The following KCNN3 variants were observed in gnomAD, a reference collection of about 807,000 sequenced individuals.
KCNN3 encodes small conductance calcium-activated potassium channel protein 3.
Under a neutral mutation model 62.9 loss-of-function variants are expected in KCNN3, and 16 were observed. That is an observed-to-expected ratio of 0.25 (90% CI 0.17 to 0.39). The LOEUF (loss-of-function observed/expected upper bound fraction) is 0.39, where lower values mean the gene tolerates loss of function less well. KCNN3 is among the 10% of genes least tolerant of loss of function. The pLI is 1.00. For missense variants in KCNN3, 599 were observed against 949.4 expected (o/e 0.63, Z 4.85); for synonymous variants, 370 against 389.2 (o/e 0.95, Z 0.58).
intron 3 of KCNN3, among the ~76,000 whole-genome samples, chr1:154,750,753 G>T (rs1647332651): frequency 6.6e-6 from 1 of 152,134 alleles, no homozygotes; most frequent in Non-Finnish European, 1.5e-5. Flanking sequence ...TGCCCAGGAG[G>T]CTTGCCCTAA....
In KCNN3 at chr1:154,713,517, T is replaced by G. The variant is rs1389378310; in HGVS notation, c.1846A>C (p.Met616Leu). 1 of 1,613,870 alleles carries G rather than the reference T, an allele frequency of 6.2e-7. No individual in the cohort carries two copies. The change falls in exon 7 of 8, where the codon ATG becomes CTG. Residue 616 changes from methionine (M) to leucine (L), a missense_variant. Met to Leu is a conservative substitution (Grantham distance 15). Transcript: ENST00000271915. The part of the protein sequence containing the change: ...QAIHQLRSVK[M>L]EQRKLSDQAN... The stretch of plus-strand genomic sequence containing the variant: ...TGGTCACTCAGCTTCCTCTGTTCCA[T>G]CTTGACGCTCCTCAACCTGTGGGGA...
intron 2 of KCNN3, among the ~76,000 whole-genome samples, chr1:154,790,247 A>G (rs1649455599): frequency 6.6e-6 from 1 of 152,228 alleles, no homozygotes; most frequent in Non-Finnish European, 1.5e-5. Flanking sequence ...ACTTGCTTTT[A>G]AAAGCAGAGT....
intron 5 of KCNN3, among the ~76,000 whole-genome samples, chr1:154,722,643 C>T (rs1259649260): frequency 9.9e-5 from 15 of 152,100 alleles, no homozygotes; most frequent in African/African-American, 2.9e-4. Flanking sequence ...CCATCTGCCT[C>T]GGCCTCCCAG....
At chr1:154,830,732 G>C (rs1651348236) in intron 1 of KCNN3, among the ~76,000 whole-genome samples, 1 of 152,190 alleles carries the variant, frequency 6.6e-6, no homozygotes, top group Admixed American at 6.5e-5. Context: ...ATTCAGGTCT[G>C]AGCAGAGGGT....
intron 2 of KCNN3, among the ~76,000 whole-genome samples, chr1:154,815,301 G>C (rs375003445): frequency 6.6e-6 from 1 of 152,222 alleles, no homozygotes; most frequent in South Asian, 2.1e-4. Flanking sequence ...ACCTCCCTTC[G>C]GAGGACAGGC....
At chr1:154,732,455 T>A (rs1219241371) in intron 4 of KCNN3, among the ~76,000 whole-genome samples, 1 of 152,030 alleles carries the variant, frequency 6.6e-6, no homozygotes, top group East Asian at 1.9e-4. Flanking sequence ...TAGGCAGAGG[T>A]GGAAGCAGAA....
intron 3 of KCNN3, among the ~76,000 whole-genome samples, chr1:154,761,736 C>T (rs1648023768): frequency 6.6e-6 from 1 of 152,108 alleles, no homozygotes; most frequent in African/African-American, 2.4e-5. Flanking sequence ...GCCAGGAGTT[C>T]AAGACCAGCC....
At chr1:154,860,916 G>A (rs1652742481) in intron 1 of KCNN3, among the ~76,000 whole-genome samples, 1 of 150,036 alleles carries the variant, frequency 6.7e-6, no homozygotes, top group South Asian at 2.1e-4. Context: ...GGTTCAGTAA[G>A]TTCCCAGAGC....
intron 3 of KCNN3, among the ~76,000 whole-genome samples, chr1:154,755,206 C>T (rs950182360): frequency 1.3e-5 from 2 of 151,992 alleles, no homozygotes; most frequent in African/African-American, 2.4e-5. Flanking sequence ...CATGGTGGCT[C>T]ACACCTATAA....
At chr1:154,715,433 C>CAA (rs68051927) in intron 5 of KCNN3, among the ~76,000 whole-genome samples, 1,963 of 103,248 alleles carry the variant, frequency 0.019, 35 homozygotes, top group Non-Finnish European at 0.023. Flanking sequence ...AACTCCATCT[C>CAA]AAAAAAAAAA....
In KCNN3 at chr1:154,699,652, T is replaced by C. The variant is rs926729956; in HGVS notation, c.*8324A>G. 5 of 152,226 alleles carry C rather than the reference T, an allele frequency of 3.3e-5. No homozygotes were observed. Among genetic ancestry groups the C allele is most frequent in the African/African-American group, 1.2e-4 (5 of 41,456 alleles). The allele number at this position is 152,226 out of a possible 1,614,324, so 9.4% of individuals were successfully genotyped here. ...TTGTTGGTGCAATGAGTAAGAGAAT[T>C]GGCTTTCAAGGAGATTAGCAATGTT... On this transcript the variant is annotated 3_prime_UTR_variant, in exon 8 of 8. Transcript: ENST00000271915.
intron 3 of KCNN3, among the ~76,000 whole-genome samples, chr1:154,746,221 A>G (rs2101807736): frequency 6.6e-6 from 1 of 152,322 alleles, no homozygotes; most frequent in South Asian, 2.1e-4. Context: ...ACCAAGCAAC[A>G]CCAAGGCAAA....
intron 7 of KCNN3, among the ~76,000 whole-genome samples, chr1:154,710,733 C>G (rs1700056670): frequency 6.6e-6 from 1 of 152,138 alleles, no homozygotes. Context: ...CCAAAAAACA[C>G]ATGAAAAAAT....
chr1:154,804,945 A>G (rs1022210311), intron 2 of KCNN3, among the ~76,000 whole-genome samples: 1 of 152,214 alleles, frequency 6.6e-6, no homozygotes, highest in African/African-American at 2.4e-5. Context: ...CACCGAAAAC[A>G]TAGTGAATTA....
At chr1:154,822,538 A>G (rs113030754) in intron 1 of KCNN3, among the ~76,000 whole-genome samples, 5 of 152,374 alleles carry the variant, frequency 3.3e-5, no homozygotes, top group African/African-American at 1.2e-4. Flanking sequence ...CTCATAACTC[A>G]TATGAACGTC....
chr1:154,715,471 A>G (rs1033667728), intron 5 of KCNN3, among the ~76,000 whole-genome samples: 4 of 151,622 alleles, frequency 2.6e-5, no homozygotes, highest in African/African-American at 7.3e-5. Flanking sequence ...AGGTGATTAA[A>G]ATTCATCTGT....
intron 1 of KCNN3, among the ~76,000 whole-genome samples, chr1:154,826,719 C>G (rs1240058299): frequency 6.6e-6 from 1 of 152,242 alleles, no homozygotes; most frequent in Non-Finnish European, 1.5e-5. Context: ...ATAAATTGCT[C>G]TCCTGGCCTG....
At chr1:154,738,613 G>A (rs908682821) in intron 3 of KCNN3, among the ~76,000 whole-genome samples, 3 of 152,218 alleles carry the variant, frequency 2.0e-5, no homozygotes, top group South Asian at 2.1e-4. Flanking sequence ...CTCACCAGGT[G>A]CGGAGGACAA....
intron 4 of KCNN3, among the ~76,000 whole-genome samples, chr1:154,731,837 C>A (rs768064605): frequency 1.2e-4 from 19 of 152,076 alleles, no homozygotes; most frequent in Admixed American, 3.9e-4. Context: ...CGCCACCTCC[C>A]CCAACACTAC....
Sources: allele counts gnomAD v4.1 joint callset (sites outside exome capture counted in the v4.1 genomes callset), GRCh38; gene constraint gnomAD v4.1.1; transcripts MANE v1.5; gene names NCBI Gene and HGNC (gene_info 2026-07-23, HGNC 2026-07-21).